KCNH1: variants seen among roughly 807,000 people sequenced by gnomAD.
KCNH1 encodes the protein voltage-gated delayed rectifier potassium channel KCNH1.
A neutral mutation model predicts 69.2 loss-of-function variants in KCNH1; 27 were observed. The ratio of observed to expected loss-of-function variants is 0.39; its 90% CI spans 0.29 to 0.54. The LOEUF (loss-of-function observed/expected upper bound fraction) is 0.54, where lower values mean the gene tolerates loss of function less well. Among genes scored for constraint, KCNH1 ranks in the 20% least tolerant of loss-of-function variants. KCNH1 has a pLI of 0.68. For synonymous variants in KCNH1, 456 were observed against 487.7 expected, an observed-to-expected ratio of 0.93 and a Z score of 0.86; for missense variants, 798 against 1,261.6, an observed-to-expected ratio of 0.63 and a Z score of 5.57.
At chr1:210,717,242 T>C (rs771905906) in intron 10 of KCNH1, among the ~76,000 whole-genome samples, 33 of 152,206 alleles carry the variant, frequency 2.2e-4, no homozygotes, top group Non-Finnish European at 4.7e-4. Flanking sequence ...ATCCCATTTC[T>C]GGCCTAGGGC....
At chr1:210,903,184 G>A (rs1348914141) in intron 7 of KCNH1, among the ~76,000 whole-genome samples, 1 of 151,944 alleles carries the variant, frequency 6.6e-6, no homozygotes. Flanking sequence ...GACTAGTTTA[G>A]GCCACTTCTA....
intron 7 of KCNH1, chr1:210,861,397 CTTCAGAAATACTTGAGCAAATTCA>C: frequency 1.3e-6 from 1 of 777,740 alleles, no homozygotes; most frequent in Admixed American, 1.7e-5. Context: ...CAACAAATTC[CTTCAGAAATACTTGAGCAAATTCA>C]TTATACTCCT....
chr1:211,133,874 C>T lies in KCNH1; in HGVS notation c.72G>A (p.Arg24=). 1.2e-6 allele frequency: 2 copies of T among 1,610,278 alleles called. No individual in the cohort carries two copies. The highest frequency in any genetic ancestry group is 1.7e-6 in the Non-Finnish European group (2 of 1,178,402). Residue 24 remains arginine, a synonymous_variant, in exon 1 of 11, where the codon CGG becomes CGA. Transcript: ENST00000271751. This position sits in a 1 kb window ranked among gnomAD's most constrained non-coding sequence, Gnocchi z 5.4. ...QNTFLENIVR[R]SNDTNFVLGN... is the part of the protein sequence containing the mutation. ...TCCGAATGCACCTCTTACCATTGGA[C>T]CGCCGAACAATATTCTCCAGAAACG...
Position 210,960,259 on chromosome 1 carries a change from C to T in KCNH1, c.1033-40190G>A, listed in dbSNP as rs1425976024. On this transcript the variant is annotated intron_variant, in intron 6 of 10. Transcript: ENST00000271751. ...GCCTCCTCCAAGAAGTAACTATTAC[C>T]TATATCATAAATTTTAGGTTTCCAT... Among the ~76,000 whole-genome samples, 12 of 152,138 alleles carry T rather than the reference C, an allele frequency of 7.9e-5. 1 individual carries two copies. The highest frequency in any genetic ancestry group is 6.5e-4 in the Admixed American group (10 of 15,268).
chr1:210,982,747 T>C (rs1418539113), intron 6 of KCNH1, among the ~76,000 whole-genome samples: 1 of 152,208 alleles, frequency 6.6e-6, no homozygotes, highest in Non-Finnish European at 1.5e-5. Flanking sequence ...CATGTGTCTT[T>C]ATAGCAGCAT....
chr1:210,936,769 T>G (rs569949099), intron 6 of KCNH1, among the ~76,000 whole-genome samples: 25 of 152,314 alleles, frequency 1.6e-4, no homozygotes, highest in African/African-American at 5.8e-4. Flanking sequence ...CTCTATTCTT[T>G]GACCTCCTCA....
At chr1:210,988,719 T>C (rs1473168863) in intron 6 of KCNH1, among the ~76,000 whole-genome samples, 2 of 152,216 alleles carry the variant, frequency 1.3e-5, no homozygotes, top group African/African-American at 2.4e-5. Flanking sequence ...AAACAAATGT[T>C]TCTGTTTAAT....
In KCNH1 at chr1:210,987,157, G is replaced by A. The variant is rs1291401605; in HGVS notation, c.1032+31626C>T. On this transcript the variant is annotated intron_variant, in intron 6 of 10. Coordinates refer to ENST00000271751, the MANE Select transcript of KCNH1 (RefSeq NM_172362.3). The stretch of plus-strand genomic sequence containing the variant: ...CATCAGGTCCTTTAAGGACTTCTCT[G>A]CATTGGTTATTCTAGTTAGCCATTC... Among the ~76,000 whole-genome samples, 5 of 152,260 alleles carry A rather than the reference G, an allele frequency of 3.3e-5. No homozygotes were observed. The East Asian group carries it at 9.6e-4, about 29-fold the overall frequency.
At chr1:210,782,099 T>G (rs557540277) in intron 9 of KCNH1, among the ~76,000 whole-genome samples, 1 of 152,266 alleles carries the variant, frequency 6.6e-6, no homozygotes. Flanking sequence ...CTCCCTATTA[T>G]TTATGTCCTC....
rs144379548 is a variant in KCNH1 at position 210,688,670 on chromosome 1, TTTA to T, written c.2113-4535_2113-4533del. The stretch of plus-strand genomic sequence containing the variant: ...ATTTCATCATCTCTTCCTGGCTGAT[TTTA>T]TTTTTTGAACTCTTACATGAGCTCA... On this transcript the variant is annotated intron_variant, in intron 10 of 10. Transcript: ENST00000271751. Among the ~76,000 whole-genome samples the T allele has an allele frequency of 8.3e-3, 1,257 of 152,358 alleles. 11 individuals carry two copies. The highest frequency in any genetic ancestry group is 0.013 in the Non-Finnish European group (901 of 68,036).
At chr1:210,970,661 T>G (rs978965499) in intron 6 of KCNH1, among the ~76,000 whole-genome samples, 1 of 152,142 alleles carries the variant, frequency 6.6e-6, no homozygotes, top group African/African-American at 2.4e-5. Flanking sequence ...AAGACTTAAA[T>G]GTAAAACCCA....
intron 1 of KCNH1, among the ~76,000 whole-genome samples, chr1:211,112,501 TAAAAAA>T (rs74258707): frequency 7.9e-6 from 1 of 126,414 alleles, no homozygotes; most frequent in African/African-American, 2.7e-5. Flanking sequence ...ATTAAATAAA[TAAAAAA>T]AAAAAAAAAA....
intron 6 of KCNH1, among the ~76,000 whole-genome samples, chr1:210,924,419 G>A (rs1258289792): frequency 1.3e-5 from 2 of 152,022 alleles, no homozygotes; most frequent in Non-Finnish European, 2.9e-5. Flanking sequence ...TTTTCATTGT[G>A]TTATTTATCT....
chr1:211,091,615 G>T (rs1571639885), intron 3 of KCNH1, among the ~76,000 whole-genome samples: 1 of 152,298 alleles, frequency 6.6e-6, no homozygotes, highest in South Asian at 2.1e-4. Context: ...TTCCAAGCAG[G>T]TTTGGGCTTC....
intron 6 of KCNH1, among the ~76,000 whole-genome samples, chr1:210,920,856 GGAA>G (rs1300035972): frequency 6.6e-6 from 1 of 152,136 alleles, no homozygotes; most frequent in Non-Finnish European, 1.5e-5. Flanking sequence ...AATCAGTCAA[GGAA>G]CCTAAAAGCT....
intron 10 of KCNH1, among the ~76,000 whole-genome samples, chr1:210,765,547 G>A (rs533645823): frequency 9.2e-5 from 14 of 152,236 alleles, no homozygotes; most frequent in East Asian, 1.9e-4. Context: ...ATGTAAATGC[G>A]TTAACTCATA....
At chr1:210,703,796 C>A (rs965735031) in intron 10 of KCNH1, among the ~76,000 whole-genome samples, 3 of 152,156 alleles carry the variant, frequency 2.0e-5, no homozygotes, top group Non-Finnish European at 4.4e-5. Flanking sequence ...GGGACAGTAT[C>A]CATTTGTATG....
chr1:211,060,576 A>G (rs80233627), intron 5 of KCNH1, among the ~76,000 whole-genome samples: 6,656 of 151,870 alleles, frequency 0.044, 266 homozygotes, highest in East Asian at 0.12. Context: ...AATCAACAGA[A>G]CTTTAGACTA....
chr1:211,024,085 A>G (rs533374268), intron 5 of KCNH1, among the ~76,000 whole-genome samples: 1 of 152,272 alleles, frequency 6.6e-6, no homozygotes, highest in African/African-American at 2.4e-5. Context: ...TCAATTAAAA[A>G]CGTTTAAATA....
Sources: allele counts gnomAD v4.1 joint callset (sites outside exome capture counted in the v4.1 genomes callset), GRCh38; gene constraint gnomAD v4.1.1; non-coding constraint Gnocchi (gnomAD v3.1); transcripts MANE v1.5; gene names NCBI Gene and HGNC (gene_info 2026-07-23, HGNC 2026-07-21).